Variants in TGFA observed in about 807,000 individuals in gnomAD.
The protein encoded by TGFA is protransforming growth factor alpha.
TGFA carries 12 observed loss-of-function variants against 21.7 expected under a neutral mutation model. The observed-to-expected ratio is 0.55, with a 90% CI of 0.35 to 0.90. The LOEUF is 0.90. Ranked by LOEUF, TGFA falls within the 40% of genes least tolerant of loss-of-function variation. The pLI, the probability that TGFA is intolerant of heterozygous loss-of-function variation, is 0.01. For synonymous variants in TGFA, 79 were observed against 88.1 expected, an observed-to-expected ratio of 0.90 and a Z score of 0.58; for missense variants, 178 against 210.8, an observed-to-expected ratio of 0.84 and a Z score of 0.96.
intron 2 of TGFA, among the ~76,000 whole-genome samples, chr2:70,468,853 A>G (rs1477469330): frequency 6.6e-6 from 1 of 152,234 alleles, no homozygotes; most frequent in Non-Finnish European, 1.5e-5. Flanking sequence ...ATTAAATATT[A>G]CAATGTAATA....
At chr2:70,527,964 C>T (rs1672689840) in intron 1 of TGFA, among the ~76,000 whole-genome samples, 1 of 152,212 alleles carries the variant, frequency 6.6e-6, no homozygotes, top group African/African-American at 2.4e-5. Context: ...GGAGACACTG[C>T]TTAGTCGTGG....
chr2:70,491,190 A>T (rs1671422294), intron 2 of TGFA, among the ~76,000 whole-genome samples: 1 of 152,204 alleles, frequency 6.6e-6, no homozygotes. Flanking sequence ...GTCTGAGGAC[A>T]ATGAGTGGAG....
chr2:70,504,096 AAGTC>A (rs1351322897), intron 2 of TGFA, among the ~76,000 whole-genome samples: 3 of 152,138 alleles, frequency 2.0e-5, no homozygotes, highest in African/African-American at 7.2e-5. Context: ...CACAGGAAAC[AAGTC>A]AGTGTTTGTT....
rs948910869 is a variant in TGFA, at chr2:70,514,876, C to G, written c.77G>C (p.Ser26Thr). The G allele has an allele frequency of 6.2e-7, 1 of 1,614,046 alleles. No individual in the cohort carries two copies. The highest frequency in any genetic ancestry group is 8.5e-7 in the Non-Finnish European group (1 of 1,180,004). ...VLAACQALEN[S>T]TSPLSADPPV... The stretch of plus-strand genomic sequence containing the variant: ...GCACTCACCACTCAGCGGGGACGTG[C>G]TGTTCTCCAAGGCCTGGCACGCAGC... Residue 26 changes from serine to threonine, a missense_variant, in exon 2 of 6, where the codon AGC becomes ACC. By Grantham distance (58) the Ser-to-Thr change is moderately conservative. Transcript: ENST00000295400.
intron 2 of TGFA, among the ~76,000 whole-genome samples, chr2:70,487,771 GA>G (rs1671310068): frequency 6.6e-6 from 1 of 152,160 alleles, no homozygotes; most frequent in African/African-American, 2.4e-5. Context: ...TCACTATTAT[GA>G]AACATTATAT....
chr2:70,521,110 C>A (rs1232959273), intron 1 of TGFA, among the ~76,000 whole-genome samples: 1 of 151,572 alleles, frequency 6.6e-6, no homozygotes, highest in Admixed American at 6.6e-5. Flanking sequence ...AAAAAAAAAT[C>A]TTTGCTCCTA....
chr2:70,508,123 C>G (rs1553500464), intron 2 of TGFA, among the ~76,000 whole-genome samples: 1 of 152,158 alleles, frequency 6.6e-6, no homozygotes, highest in Non-Finnish European at 1.5e-5. Context: ...CGAACTGCTG[C>G]TAAGTTAGGG....
At chr2:70,496,236 T>G (rs1181389287) in intron 2 of TGFA, among the ~76,000 whole-genome samples, 11 of 152,200 alleles carry the variant, frequency 7.2e-5, no homozygotes, top group African/African-American at 2.7e-4. Context: ...TTTTTAAAAA[T>G]GAGACTTTAA....
At chr2:70,544,476 G>GA (rs572958424) in intron 1 of TGFA, among the ~76,000 whole-genome samples, 6 of 151,756 alleles carry the variant, frequency 4.0e-5, no homozygotes, top group South Asian at 2.1e-4. Flanking sequence ...ATATAAATAT[G>GA]AAAAAAAAGC....
chr2:70,515,024 GT>G, intron 1 of TGFA, 112 bp from the exon 2 acceptor site: 1 of 903,708 alleles, frequency 1.1e-6, no homozygotes, highest in Non-Finnish European at 1.7e-6. Context: ...GTTTCACAGA[GT>G]GGCCGGTAGA....
At chr2:70,498,399 G>A (rs782648132) in intron 2 of TGFA, among the ~76,000 whole-genome samples, 33 of 152,248 alleles carry the variant, frequency 2.2e-4, no homozygotes, top group Admixed American at 1.0e-3. Flanking sequence ...AAGAGGAGGA[G>A]ATGAGGTTGC....
intron 3 of TGFA, among the ~76,000 whole-genome samples, chr2:70,458,202 G>A (rs1394721639): frequency 6.6e-6 from 1 of 152,186 alleles, no homozygotes; most frequent in Non-Finnish European, 1.5e-5. Context: ...CCTTTCCTAT[G>A]AGGCGGAGGC....
Position 70,450,357 on chromosome 2 carries a change from C to T in TGFA, c.*502G>A, listed in dbSNP as rs1553489395. ...GTCTCGTGGTTAGAGGATACAGCTT[C>T]TCTTAAAGCTAGGGTCTTCATGTGA... On this transcript the variant is annotated 3_prime_UTR_variant, in exon 6 of 6. Coordinates refer to ENST00000295400, the MANE Select transcript of TGFA (RefSeq NM_003236.4). The T allele has an allele frequency of 6.5e-6, 1 of 153,580 alleles. No homozygotes were observed. The highest frequency in any genetic ancestry group is 6.5e-5 in the Admixed American group (1 of 15,486). 9.5% of individuals were successfully genotyped at this position (153,580 alleles called of 1,614,324 possible).
At chr2:70,490,889 C>A (rs956188058) in intron 2 of TGFA, among the ~76,000 whole-genome samples, 1 of 152,076 alleles carries the variant, frequency 6.6e-6, no homozygotes, top group African/African-American at 2.4e-5. Flanking sequence ...TGTCTGTGGA[C>A]CAATTAGTGC....
At chr2:70,551,183 A>G (rs573407421) in intron 1 of TGFA, among the ~76,000 whole-genome samples, 1 of 152,302 alleles carries the variant, frequency 6.6e-6, no homozygotes, top group Admixed American at 6.5e-5. Flanking sequence ...GGTGAGAAAA[A>G]CAAGGCATAG....
In TGFA at chr2:70,513,789, C is replaced by T. The variant is rs573643458; in HGVS notation, c.94+1070G>A. Among the ~76,000 whole-genome samples the T allele has an allele frequency of 2.0e-5, 3 of 152,292 alleles. No individual in the cohort carries two copies. In the South Asian group the frequency reaches 6.2e-4, roughly 32 times the overall value. ...AACCCGCCCCCTCCCACTGGAACCT[C>T]TCTGAAATAACTATGGAGACACAGC... is the stretch of plus-strand genomic sequence containing the variant. On this transcript the variant is annotated intron_variant, in intron 2 of 5. Transcript: ENST00000295400.
chr2:70,502,550 A>C (rs1479179607), intron 2 of TGFA, among the ~76,000 whole-genome samples: 1 of 151,966 alleles, frequency 6.6e-6, no homozygotes, highest in Non-Finnish European at 1.5e-5. Context: ...TGAACTCCTG[A>C]CCTCGAGTGA....
intron 1 of TGFA, among the ~76,000 whole-genome samples, chr2:70,527,809 A>T (rs1396715220): frequency 2.6e-5 from 4 of 152,244 alleles, no homozygotes; most frequent in African/African-American, 9.6e-5. Flanking sequence ...AGCTGATGAC[A>T]GTTACAGCAC....
In TGFA at chr2:70,517,378, A is replaced by G. The variant is rs117317393; in HGVS notation, c.41-2466T>C. Among the ~76,000 whole-genome samples, 51 of 152,286 alleles carry G rather than the reference A, an allele frequency of 3.3e-4. No individual in the cohort carries two copies. The East Asian group carries it at 8.1e-3, about 24-fold the overall frequency. On this transcript the variant is annotated intron_variant, in intron 1 of 5. Coordinates refer to ENST00000295400, the MANE Select transcript of TGFA (RefSeq NM_003236.4). ...GCGGCAAGGCCTCTGCTTTGTCTTCATCATGTGGTGAACCTAAGAGGACCC... is the reference window on the plus strand; with the variant it reads ...GCGGCAAGGCCTCTGCTTTGTCTTCGTCATGTGGTGAACCTAAGAGGACCC...
Sources: gnomAD v4.1 joint callset for allele counts (sites outside exome capture counted in the v4.1 genomes callset) on GRCh38, gnomAD v4.1.1 for gene constraint, MANE v1.5 for transcripts, NCBI Gene and HGNC (gene_info 2026-07-23, HGNC 2026-07-21) for gene names.